Variants in EFR3B observed in about 807,000 individuals in gnomAD.
EFR3B encodes the protein EFR3 homolog B, also known as protein EFR3 homolog B.
Under a neutral mutation model 104.7 loss-of-function variants are expected in EFR3B, and 64 were observed. That is an observed-to-expected ratio of 0.61 (90% confidence interval 0.50 to 0.75). The LOEUF is 0.75. EFR3B is among the 30% of genes least tolerant of loss of function. EFR3B has a pLI of 0.00. For synonymous variants in EFR3B, 385 were observed against 417.9 expected, an observed-to-expected ratio of 0.92 and a Z score of 0.96; for missense variants, 750 against 1,078.5, an observed-to-expected ratio of 0.70 and a Z score of 4.27.
At chr2:25,139,278 C>T (rs1670598336) in intron 16 of EFR3B, 88 bp downstream of exon 16, 1 of 1,424,664 alleles carries the variant, frequency 7.0e-7, no homozygotes, top group Non-Finnish European at 9.3e-7. Context: ...TAGTCCTGTA[C>T]CTACACTTAG....
At chr2:25,151,193 C>T (rs1230145273) in intron 20 of EFR3B, among the ~76,000 whole-genome samples, 1 of 152,120 alleles carries the variant, frequency 6.6e-6, no homozygotes, top group African/African-American at 2.4e-5. Flanking sequence ...GGCTGCCCTG[C>T]CACACGTGTT....
chr2:25,070,116 T>C (rs1573179020), intron 1 of EFR3B, among the ~76,000 whole-genome samples: 1 of 152,074 alleles, frequency 6.6e-6, no homozygotes, highest in Non-Finnish European at 1.5e-5. Flanking sequence ...CACTGGTGGG[T>C]GTGGCTTATG....
chr2:25,094,721 C>T (rs893406371), intron 3 of EFR3B, among the ~76,000 whole-genome samples: 5 of 152,012 alleles, frequency 3.3e-5, no homozygotes. Flanking sequence ...ACACTTATGC[C>T]CTTTCACTCA....
At chr2:25,127,744 C>G (rs1468709201) in intron 5 of EFR3B, among the ~76,000 whole-genome samples, 1 of 152,152 alleles carries the variant, frequency 6.6e-6, no homozygotes, top group Non-Finnish European at 1.5e-5. Flanking sequence ...CCCCTTTGTG[C>G]CCAGAGAGCC....
At chr2:25,118,647 T>C (rs989826759) in intron 4 of EFR3B, among the ~76,000 whole-genome samples, 1 of 140,218 alleles carries the variant, frequency 7.1e-6, no homozygotes, top group African/African-American at 2.7e-5. Flanking sequence ...AAACAGCAAG[T>C]TGGAGGCCAA....
At chr2:25,105,229 T>C (rs1473899485) in intron 4 of EFR3B, among the ~76,000 whole-genome samples, 1 of 152,206 alleles carries the variant, frequency 6.6e-6, no homozygotes, top group Non-Finnish European at 1.5e-5. Context: ...CTCGGCTCAC[T>C]GCAACCTCCG....
intron 1 of EFR3B, among the ~76,000 whole-genome samples, chr2:25,082,093 G>A (rs1401056847): frequency 2.6e-5 from 4 of 152,328 alleles, no homozygotes; most frequent in East Asian, 1.9e-4. Flanking sequence ...GGGGTCCTGC[G>A]TCCTCTGTCG....
chr2:25,106,071 C>T (rs1669554757), intron 4 of EFR3B, among the ~76,000 whole-genome samples: 1 of 152,210 alleles, frequency 6.6e-6, no homozygotes, highest in South Asian at 2.1e-4. Context: ...GCTCTCTGTG[C>T]CCAGACCTTC....
At chr2:25,151,764 G>A in intron 20 of EFR3B, 150 bp from the exon 21 acceptor site, 1 of 752,070 alleles carries the variant, frequency 1.3e-6, no homozygotes, top group Non-Finnish European at 2.0e-6. Context: ...CCAGGGCCAA[G>A]TGAGGGCACC....
intron 5 of EFR3B, among the ~76,000 whole-genome samples, chr2:25,127,907 G>A (rs1670211234): frequency 6.6e-6 from 1 of 152,170 alleles, no homozygotes; most frequent in African/African-American, 2.4e-5. Context: ...ACTAAAGATG[G>A]GGAGCTGGAG....
intron 1 of EFR3B, among the ~76,000 whole-genome samples, chr2:25,053,980 G>T (rs1667952785): frequency 6.6e-6 from 1 of 152,200 alleles, no homozygotes; most frequent in African/African-American, 2.4e-5. Flanking sequence ...GCAGCAATTG[G>T]TGCTTCTAAG....
Position 25,149,767 on chromosome 2 carries a change from G to T in EFR3B, c.2191+25G>T, listed in dbSNP as rs139608680. 1,332 of 1,550,442 alleles carry T rather than the reference G, an allele frequency of 8.6e-4. 10 individuals carry two copies. The African/African-American group carries it at 0.016, about 19-fold the overall frequency. Reference sequence around the variant, plus strand: ...GGTAAGTCAGGGCAAAGGGACTCTGGTTAGAGGGCAAAATGGGGTGGGGTC... The same window carrying T: ...GGTAAGTCAGGGCAAAGGGACTCTGTTTAGAGGGCAAAATGGGGTGGGGTC... On this transcript the variant is annotated intron_variant, in intron 20 of 22. Coordinates refer to ENST00000403714, the MANE Select transcript of EFR3B (RefSeq NM_014971.2).
At chr2:25,138,211 T>C (rs573621123) in intron 15 of EFR3B, among the ~76,000 whole-genome samples, 9 of 152,304 alleles carry the variant, frequency 5.9e-5, no homozygotes, top group Middle Eastern at 3.4e-3. Context: ...GATTCTCTAG[T>C]TCCCAAATGG....
intron 4 of EFR3B, among the ~76,000 whole-genome samples, chr2:25,112,167 C>T (rs762382194): frequency 1.3e-5 from 2 of 152,246 alleles, no homozygotes; most frequent in Non-Finnish European, 2.9e-5. Flanking sequence ...ATTTTCAGCA[C>T]TTTGGTTCAA....
At chr2:25,077,436 C>T (rs934405797) in intron 1 of EFR3B, among the ~76,000 whole-genome samples, 32 of 152,252 alleles carry the variant, frequency 2.1e-4, no homozygotes, top group Middle Eastern at 6.8e-3. Context: ...TATAGGCACC[C>T]GCCACCACAC....
At chr2:25,087,843 G>A (rs1668999985) in intron 1 of EFR3B, among the ~76,000 whole-genome samples, 1 of 147,456 alleles carries the variant, frequency 6.8e-6, no homozygotes, top group South Asian at 2.1e-4. Context: ...TGTGCCCTTG[G>A]TTTTTTATCT....
chr2:25,123,857 A>G (rs1014440749), intron 5 of EFR3B, among the ~76,000 whole-genome samples: 1 of 152,202 alleles, frequency 6.6e-6, no homozygotes, highest in Non-Finnish European at 1.5e-5. Flanking sequence ...GTAGTGTGTG[A>G]TGTGGTCAGC....
rs1460707136 is a variant in EFR3B, at chr2:25,081,383, A to G, written c.8-9942A>G. Reference sequence around the variant, plus strand: ...ACTTGCCAGCAGTACTCATAGTTACAGTTTATCCTGCACATGTTATTTCTT... The same window carrying G: ...ACTTGCCAGCAGTACTCATAGTTACGGTTTATCCTGCACATGTTATTTCTT... On this transcript the variant is annotated intron_variant, in intron 1 of 22. Transcript: ENST00000403714. 7 of 1,053,422 alleles carry G rather than the reference A, an allele frequency of 6.6e-6. No individual in the cohort carries two copies. In the Admixed American group the frequency reaches 9.5e-5, roughly 14 times the overall value. 65.3% of individuals were successfully genotyped at this position (1,053,422 alleles called of 1,614,324 possible).
rs115848972 is a variant in EFR3B, at chr2:25,083,446, T to C, written c.8-7879T>C. ...AAATATATAAAAACATTACTTAGTG[T>C]CTCGTTACAATGAACTGTTTTTAGT... On this transcript the variant is annotated intron_variant, in intron 1 of 22. Coordinates refer to ENST00000403714, the MANE Select transcript of EFR3B (RefSeq NM_014971.2). Among the ~76,000 whole-genome samples the C allele has an allele frequency of 3.4e-3, 519 of 152,344 alleles. 7 individuals are homozygous for C. The highest frequency in any genetic ancestry group is 0.012 in the African/African-American group (499 of 41,576).
Sources: allele counts gnomAD v4.1 joint callset (sites outside exome capture counted in the v4.1 genomes callset), GRCh38; gene constraint gnomAD v4.1.1; transcripts MANE v1.5; gene names NCBI Gene and HGNC (gene_info 2026-07-23, HGNC 2026-07-21).